The following DNAAF5 variants were observed in gnomAD, a reference collection of about 807,000 sequenced individuals.
The protein encoded by DNAAF5 is HEAT repeat containing 2.
In DNAAF5, 64 loss-of-function variants were observed where a neutral mutation model predicts 75.8. The ratio of observed to expected loss-of-function variants is 0.84; its 90% CI spans 0.69 to 1.04. The LOEUF (loss-of-function observed/expected upper bound fraction) is 1.04. Ranked by LOEUF, DNAAF5 falls within the 50% of genes least tolerant of loss-of-function variation. DNAAF5 has a pLI of 0.00. For synonymous variants in DNAAF5, 657 were observed against 557.2 expected (o/e 1.18, Z -2.52); for missense variants, 1,269 against 1,178.5 (o/e 1.08, Z -1.12).
At chr7:774,636 C>T (rs997631095) in intron 10 of DNAAF5, among the ~76,000 whole-genome samples, 1 of 152,098 alleles carries the variant, frequency 6.6e-6, no homozygotes, top group African/African-American at 2.4e-5. Flanking sequence ...GTCCTGGTCG[C>T]CGCCCGGCGG....
chr7:768,170 T>C (rs1293436224), intron 8 of DNAAF5, among the ~76,000 whole-genome samples: 1 of 99,598 alleles, frequency 1.0e-5, no homozygotes, highest in Non-Finnish European at 1.9e-5. Context: ...CGCAGACACG[T>C]GGTCCAGGCG....
chr7:733,653 C>T (rs536308609), intron 2 of DNAAF5, among the ~76,000 whole-genome samples: 1 of 152,180 alleles, frequency 6.6e-6, no homozygotes, highest in Non-Finnish European at 1.5e-5. Flanking sequence ...CCTGCCACCG[C>T]ACCTGGCTAA....
chr7:757,804 G>C (rs1452132913), intron 6 of DNAAF5, among the ~76,000 whole-genome samples: 2 of 152,248 alleles, frequency 1.3e-5, no homozygotes, highest in Non-Finnish European at 2.9e-5. Context: ...GCCATGCAGG[G>C]CGGGCCTCAG....
intron 2 of DNAAF5, among the ~76,000 whole-genome samples, chr7:737,441 G>A (rs1215403281): frequency 1.3e-5 from 2 of 152,212 alleles, no homozygotes; most frequent in Non-Finnish European, 2.9e-5. Flanking sequence ...TTCTAGTCAA[G>A]ATGTGAGTAG....
At chr7:784,390 G>C (rs979349660) in intron 12 of DNAAF5, among the ~76,000 whole-genome samples, 1 of 152,178 alleles carries the variant, frequency 6.6e-6, no homozygotes, top group Non-Finnish European at 1.5e-5. Context: ...GCCACCCTCA[G>C]TGGCTCAGTG....
At chr7:775,753 C>T (rs1441784120) in intron 11 of DNAAF5, among the ~76,000 whole-genome samples, 3 of 152,170 alleles carry the variant, frequency 2.0e-5, no homozygotes, top group Non-Finnish European at 4.4e-5. Context: ...ATTGGACCCT[C>T]GTGAAGGAAG....
chr7:740,642 C>T (rs903195954), intron 2 of DNAAF5, among the ~76,000 whole-genome samples, 177 bp from the exon 3 acceptor site: 1 of 152,200 alleles, frequency 6.6e-6, no homozygotes, highest in East Asian at 1.9e-4. Flanking sequence ...CGCCCAGGAC[C>T]CCGGCCACGC....
chr7:782,633 C>T (rs1779004690), intron 12 of DNAAF5, among the ~76,000 whole-genome samples: 3 of 145,292 alleles, frequency 2.1e-5, no homozygotes, highest in South Asian at 2.2e-4. Context: ...ATATTCCTGG[C>T]GTGGCCGCCT....
At chr7:775,846 T>TA (rs1470424428) in intron 11 of DNAAF5, among the ~76,000 whole-genome samples, 2 of 151,724 alleles carry the variant, frequency 1.3e-5, no homozygotes, top group Admixed American at 1.3e-4. Context: ...CATTTAGCGT[T>TA]AAACGTAATC....
At position 770,772 on chromosome 7, in the gene DNAAF5, T is replaced by G. The variant is rs1044807316; in HGVS notation, c.1931+154T>G. On this transcript the variant is annotated intron_variant, in intron 9 of 12. Coordinates refer to ENST00000297440, the MANE Select transcript of DNAAF5 (RefSeq NM_017802.4). ...GGTTCCCCATCTCCCTCCCCCACACTGAGTCAAAGGTGGGCCGGGGGTCCC... is the reference window on the plus strand; with the variant it reads ...GGTTCCCCATCTCCCTCCCCCACACGGAGTCAAAGGTGGGCCGGGGGTCCC... 7.1e-6 allele frequency: 5 copies of G among 705,960 alleles called. No individual in the cohort carries two copies. In the Admixed American group the frequency reaches 1.2e-4, roughly 17 times the overall value. 43.7% of individuals were successfully genotyped at this position (705,960 alleles called of 1,614,324 possible). A position where few individuals can be genotyped will look rare whatever the true frequency, so the allele number is the denominator to read the frequency against.
chr7:778,540 G>T, intron 11 of DNAAF5: 1 of 152,442 alleles, frequency 6.6e-6, no homozygotes. Flanking sequence ...GTACAAAAGT[G>T]GACCTGCAGG....
At chr7:782,229 C>T (rs1432657089) in intron 12 of DNAAF5, among the ~76,000 whole-genome samples, 2 of 150,472 alleles carry the variant, frequency 1.3e-5, no homozygotes, top group African/African-American at 4.9e-5. Context: ...CCTCCCGTCG[C>T]GCGGCGTCAG....
chr7:767,919 G>C (rs1330762617), intron 8 of DNAAF5, among the ~76,000 whole-genome samples: 1 of 150,316 alleles, frequency 6.7e-6, no homozygotes, highest in East Asian at 2.0e-4. Context: ...AGGAGCGCTA[G>C]TGCTGGGAGG....
At chr7:752,590 G>A (rs1157894031) in intron 4 of DNAAF5, among the ~76,000 whole-genome samples, 1 of 145,924 alleles carries the variant, frequency 6.9e-6, no homozygotes, top group Non-Finnish European at 1.5e-5. Context: ...CGTGACCGCG[G>A]GCCAGGCCAC....
intron 4 of DNAAF5, among the ~76,000 whole-genome samples, chr7:750,539 A>G (rs1396109949): frequency 6.6e-6 from 1 of 152,208 alleles, no homozygotes. Context: ...CATAAGGAGC[A>G]CGTAACCCAG....
chr7:774,000 C>T (rs375610056), intron 9 of DNAAF5, 48 bp from the exon 10 acceptor site: 849 of 1,610,972 alleles, frequency 5.3e-4, no homozygotes, highest in Admixed American at 1.0e-3. Context: ...ACGTTTCTTC[C>T]GAGCACCTGT....
Position 746,529 on chromosome 7 carries a change from G to A in DNAAF5, c.1024+5064G>A, listed in dbSNP as rs1176165358. Among the ~76,000 whole-genome samples the A allele has an allele frequency of 8.3e-5, 9 of 107,866 alleles. No individual in the cohort carries two copies. In the East Asian group the frequency reaches 1.2e-3, roughly 14 times the overall value. 70.8% of individuals were successfully genotyped at this position (107,866 alleles called of 152,430 possible). ...TCCTTACCGTCCTGCCCTGTCCAGC[G>A]TCTGTGTCATCCCTTTCCCCCGCCC... On this transcript the variant is annotated intron_variant, in intron 4 of 12. Transcript: ENST00000297440.
At position 754,830 on chromosome 7, in the gene DNAAF5, C is replaced by T. The variant is rs1462872709; in HGVS notation, c.1257+9C>T. On this transcript the variant is annotated intron_variant, in intron 5 of 12. Transcript: ENST00000297440. This position sits in a 1 kb window ranked among gnomAD's most constrained non-coding sequence, Gnocchi z 4.8. ...CAGCCGTGGTCCAAAGTGTAAGTGG[C>T]CGTATTCCAGTCGTGGTCGCGGAGC... 1.9e-6 allele frequency: 3 copies of T among 1,585,954 alleles called. No homozygotes were observed. Among genetic ancestry groups the T allele is most frequent in the Non-Finnish European group, 1.7e-6 (2 of 1,160,600 alleles).
At position 785,820 on chromosome 7, in the gene DNAAF5, G is replaced by A. The variant is rs894534939; in HGVS notation, c.*167G>A. The stretch of plus-strand genomic sequence containing the variant: ...CTTTCCCTGGAATAACAGCCTCTGA[G>A]TGGATTCTGCATGTTATGTGATTTG... On this transcript the variant is annotated 3_prime_UTR_variant, in exon 13 of 13. Transcript: ENST00000297440. The A allele has an allele frequency of 1.2e-5, 8 of 689,896 alleles. No homozygotes were observed. Among genetic ancestry groups the A allele is most frequent in the Non-Finnish European group, 1.9e-5 (8 of 424,046 alleles). 42.7% of individuals were successfully genotyped at this position (689,896 alleles called of 1,614,324 possible). A position where few individuals can be genotyped will look rare whatever the true frequency, so the allele number is the denominator to read the frequency against.
Sources: allele counts gnomAD v4.1 joint callset (sites outside exome capture counted in the v4.1 genomes callset), GRCh38; gene constraint gnomAD v4.1.1; non-coding constraint Gnocchi (gnomAD v3.1); transcripts MANE v1.5; gene names NCBI Gene and HGNC (gene_info 2026-07-23, HGNC 2026-07-21).